Variants in MYT1L observed in about 807,000 individuals in gnomAD.
The protein encoded by MYT1L is myelin transcription factor 1-like protein.
MYT1L carries 12 observed loss-of-function variants against 126.7 expected under a neutral mutation model. The ratio of observed to expected loss-of-function variants is 0.09; its 90% CI spans 0.06 to 0.15. The LOEUF (loss-of-function observed/expected upper bound fraction) is 0.15. Ranked by LOEUF, MYT1L falls within the 10% of genes least tolerant of loss-of-function variation. MYT1L has a pLI of 1.00. For missense variants in MYT1L, 979 were observed against 1,585.2 expected (o/e 0.62, Z 6.49); for synonymous variants, 541 against 604.2 (o/e 0.90, Z 1.53).
chr2:2,255,300 C>T (rs543382656), intron 2 of MYT1L, among the ~76,000 whole-genome samples: 14 of 152,254 alleles, frequency 9.2e-5, no homozygotes, highest in Non-Finnish European at 1.6e-4. Context: ...ACTCATTACC[C>T]TTCCATCTAT....
chr2:2,190,555 TAAAAA>T (rs777939174), intron 2 of MYT1L, among the ~76,000 whole-genome samples: 175 of 108,440 alleles, frequency 1.6e-3, no homozygotes, highest in African/African-American at 5.5e-3. Context: ...CAAGACCTGT[TAAAAA>T]AAAAAAAAAA....
chr2:1,889,283 C>T lies in MYT1L; in HGVS notation c.2478G>A (p.Met826Ile), dbSNP rs2048534848. Residue 826 changes from methionine (M) to isoleucine (I), a missense_variant, in exon 16 of 25, where the codon ATG becomes ATA. Transcript: ENST00000647738. The surrounding 1 kb of genome is among the most constrained non-coding windows in gnomAD (Gnocchi z 4.1). ...CWDLPVDYTK[M>I]KPRRIDEDES... Reference sequence around the variant, plus strand: ...CGTCCTCGTCTATCCTCCGGGGTTTCATTTTGGTGTAGTCTACGGGCAAGT... The same window carrying T: ...CGTCCTCGTCTATCCTCCGGGGTTTTATTTTGGTGTAGTCTACGGGCAAGT... The T allele has an allele frequency of 6.2e-7, 1 of 1,613,856 alleles. No homozygotes were observed. The highest frequency in any genetic ancestry group is 1.1e-5 in the South Asian group (1 of 91,076).
rs765702884 is a variant in MYT1L, at chr2:1,793,836, G to A, written c.3277-1372C>T. ...TCAAATTAATGTTCCCCTCCCAGCC[G>A]CCCCCTTGCAGGCTCAGGAGTGGAT... On this transcript the variant is annotated intron_variant, in intron 23 of 24. Transcript: ENST00000647738. The surrounding 1 kb of genome is among the most constrained non-coding windows in gnomAD (Gnocchi z 4.6). Among the ~76,000 whole-genome samples the A allele has an allele frequency of 2.0e-5, 3 of 152,076 alleles. No homozygotes were observed. Among genetic ancestry groups the A allele is most frequent in the African/African-American group, 7.2e-5 (3 of 41,400 alleles).
intron 13 of MYT1L, among the ~76,000 whole-genome samples, chr2:1,909,055 C>T (rs893763271): frequency 6.6e-6 from 1 of 152,106 alleles, no homozygotes; most frequent in Non-Finnish European, 1.5e-5. Flanking sequence ...TACTCAAGAA[C>T]AAAAAGGATA....
At chr2:1,988,852 T>A (rs891878) in intron 5 of MYT1L, among the ~76,000 whole-genome samples, 1 of 152,052 alleles carries the variant, frequency 6.6e-6, no homozygotes, top group Non-Finnish European at 1.5e-5. Context: ...ATGCTGAGGA[T>A]ATGCTTGGTG....
At chr2:1,796,935 G>T (rs567516427) in intron 23 of MYT1L, among the ~76,000 whole-genome samples, 6 of 150,820 alleles carry the variant, frequency 4.0e-5, no homozygotes, top group Admixed American at 6.7e-5. Context: ...CGGCAGTTTT[G>T]TTTTTTTCCG....
intron 8 of MYT1L, among the ~76,000 whole-genome samples, chr2:1,978,949 T>G (rs1004653813): frequency 6.6e-6 from 1 of 152,156 alleles, no homozygotes; most frequent in African/African-American, 2.4e-5. Flanking sequence ...TGTGTCATCC[T>G]AAGGAGTGTC....
intron 4 of MYT1L, among the ~76,000 whole-genome samples, chr2:2,007,103 T>C (rs2063409954): frequency 2.0e-5 from 3 of 152,070 alleles, no homozygotes; most frequent in South Asian, 2.1e-4. Flanking sequence ...ATTAGGTTGC[T>C]TCTGTATCTT....
chr2:1,844,523 C>T (rs1197807968), intron 19 of MYT1L, among the ~76,000 whole-genome samples: 3 of 152,136 alleles, frequency 2.0e-5, no homozygotes, highest in Non-Finnish European at 2.9e-5. Flanking sequence ...AGGATCTGAG[C>T]GGCCACTTCC....
intron 18 of MYT1L, among the ~76,000 whole-genome samples, chr2:1,874,764 G>A (rs1424659186): frequency 6.6e-6 from 1 of 152,206 alleles, no homozygotes; most frequent in Non-Finnish European, 1.5e-5. Context: ...CCAGCAGCCA[G>A]TCTTACAGCT....
At chr2:2,223,821 C>T (rs533625763) in intron 2 of MYT1L, among the ~76,000 whole-genome samples, 173 of 152,254 alleles carry the variant, frequency 1.1e-3, no homozygotes, top group Non-Finnish European at 1.7e-3. Context: ...CTAAAAGTAA[C>T]TAAGAAGTTT....
At chr2:2,264,788 A>G (rs144024035) in intron 2 of MYT1L, among the ~76,000 whole-genome samples, 154 of 152,266 alleles carry the variant, frequency 1.0e-3, no homozygotes, top group African/African-American at 3.5e-3. Context: ...GGAATTCAGC[A>G]CTCCTCTAGG....
rs936098036 is a variant in MYT1L, at chr2:1,793,342, A to G, written c.3277-878T>C. Among the ~76,000 whole-genome samples the G allele has an allele frequency of 6.6e-6, 1 of 152,172 alleles. No individual in the cohort carries two copies. The highest frequency in any genetic ancestry group is 1.5e-5 in the Non-Finnish European group (1 of 68,038). ...CAGCAGGCGGGGAGCTGCCCTGCCCATGGGGGTGTCTGCCTTGGGCACCCA... is the reference window on the plus strand; with the variant it reads ...CAGCAGGCGGGGAGCTGCCCTGCCCGTGGGGGTGTCTGCCTTGGGCACCCA... On this transcript the variant is annotated intron_variant, in intron 23 of 24. Coordinates refer to ENST00000647738, the MANE Select transcript of MYT1L (RefSeq NM_001303052.2). This position sits in a 1 kb window ranked among gnomAD's most constrained non-coding sequence, Gnocchi z 4.6.
chr2:2,015,773 T>A (rs1179500789), intron 4 of MYT1L, among the ~76,000 whole-genome samples: 1 of 152,184 alleles, frequency 6.6e-6, no homozygotes, highest in Non-Finnish European at 1.5e-5. Flanking sequence ...CAGGACAGGT[T>A]CTGTCTCATA....
intron 18 of MYT1L, among the ~76,000 whole-genome samples, chr2:1,869,747 T>A (rs2046043730): frequency 6.6e-6 from 1 of 152,136 alleles, no homozygotes; most frequent in South Asian, 2.1e-4. Flanking sequence ...AAGATGATTA[T>A]TATCATTATC....
intron 9 of MYT1L, among the ~76,000 whole-genome samples, chr2:1,930,766 G>C (rs1255439233): frequency 6.6e-6 from 1 of 152,186 alleles, no homozygotes; most frequent in Non-Finnish European, 1.5e-5. Context: ...ATTTAGGATT[G>C]ACTGGCATGT....
At chr2:2,006,959 G>A (rs1432540) in intron 4 of MYT1L, among the ~76,000 whole-genome samples, 34 of 151,654 alleles carry the variant, frequency 2.2e-4, no homozygotes, top group African/African-American at 6.1e-4. Context: ...CTTATATTAC[G>A]TAGTATAATA....
chr2:1,937,733 A>G (rs2149229909), intron 9 of MYT1L, among the ~76,000 whole-genome samples: 1 of 151,374 alleles, frequency 6.6e-6, no homozygotes, highest in Admixed American at 6.6e-5. Flanking sequence ...TAACGTCCAC[A>G]GCCATCAGAT....
At chr2:1,819,260 C>T (rs1446034432) in intron 21 of MYT1L, among the ~76,000 whole-genome samples, 1 of 152,198 alleles carries the variant, frequency 6.6e-6, no homozygotes, top group Non-Finnish European at 1.5e-5. Flanking sequence ...ATCAAACGTC[C>T]TATCTCTATT....
Sources: gnomAD v4.1 joint callset for allele counts (sites outside exome capture counted in the v4.1 genomes callset) on GRCh38, gnomAD v4.1.1 for gene constraint, Gnocchi (gnomAD v3.1) non-coding constraint, MANE v1.5 for transcripts, NCBI Gene and HGNC (gene_info 2026-07-23, HGNC 2026-07-21) for gene names.